Variants in RUSC2 observed in about 807,000 individuals in gnomAD.
The protein encoded by RUSC2 is RUN and SH3 domain containing 2.
RUSC2 carries 34 observed loss-of-function variants against 122.2 expected under a neutral mutation model. The ratio of observed to expected loss-of-function variants is 0.28; its 90% confidence interval spans 0.21 to 0.37. RUSC2 has a LOEUF of 0.37. Ranked by LOEUF, RUSC2 falls within the 10% of genes least tolerant of loss-of-function variation. The pLI is 1.00. For missense variants in RUSC2, 1,747 were observed against 1,952.4 expected (o/e 0.89, Z 1.98); for synonymous variants, 784 against 790.0 (o/e 0.99, Z 0.13).
chr9:35,508,262 G>A (rs530933791), intron 1 of RUSC2, among the ~76,000 whole-genome samples: 1 of 152,300 alleles, frequency 6.6e-6, no homozygotes, highest in African/African-American at 2.4e-5. Context: ...TGGCGCTCTG[G>A]ATTGCATACC....
intron 1 of RUSC2, among the ~76,000 whole-genome samples, chr9:35,506,020 C>T (rs1402773363): frequency 1.3e-5 from 2 of 152,044 alleles, no homozygotes; most frequent in Admixed American, 1.3e-4. Flanking sequence ...TAAAAGGTAT[C>T]CAGATTGGAA....
rs188737758 is a variant in RUSC2, at chr9:35,556,323, C to T, written c.2858C>T (p.Pro953Leu). The T allele has an allele frequency of 6.8e-6, 11 of 1,614,144 alleles. No individual in the cohort carries two copies. The highest frequency in any genetic ancestry group is 4.5e-5 in the East Asian group (2 of 44,886). ...NCRLNGQAVKPLPLTCPDFQD... is the reference protein window; with the variant it reads ...NCRLNGQAVKLLPLTCPDFQD... ...TTCTTTCCAGGCCAAGCAGTGAAGC[C>T]GTTACCACTGACCTGCCCTGACTTC... The change falls in exon 5 of 12, where the codon CCG (proline) becomes CTG (leucine). Residue 953 changes from proline to leucine, a missense_variant. Transcript: ENST00000361226.
chr9:35,561,138 C>G (rs1392504835), intron 11 of RUSC2, 41 bp downstream of exon 11: 4 of 1,613,202 alleles, frequency 2.5e-6, no homozygotes, highest in Admixed American at 1.7e-5. Flanking sequence ...GGGCGGGGGG[C>G]TTTTGAGGGG....
chr9:35,561,266 C>G lies in RUSC2; in HGVS notation c.4435C>G (p.Arg1479Gly). The change falls in exon 12 of 12, where the codon CGA becomes GGA. Residue 1479 changes from arginine (R) to glycine (G), a missense_variant. Arg to Gly is a moderately radical substitution (Grantham distance 125). Transcript: ENST00000361226. Reference sequence around the variant, plus strand: ...AGGAGACATCCTACGAGTGCTGGGGCGAGCTGGAGGAGACTGGCTGCGCTG... The same window carrying G: ...AGGAGACATCCTACGAGTGCTGGGGGGAGCTGGAGGAGACTGGCTGCGCTG... ...HKGDILRVLG[R>G]AGGDWLRCSR... is the part of the protein sequence containing the mutation. The G allele has an allele frequency of 6.2e-7, 1 of 1,614,170 alleles. No homozygotes were observed. Among genetic ancestry groups the G allele is most frequent in the Non-Finnish European group, 8.5e-7 (1 of 1,180,016 alleles).
At chr9:35,511,311 C>T (rs1821006778) in intron 1 of RUSC2, among the ~76,000 whole-genome samples, 1 of 152,178 alleles carries the variant, frequency 6.6e-6, no homozygotes, top group Admixed American at 6.5e-5. Context: ...GTCATTCTGT[C>T]TGGAACCTGC....
intron 1 of RUSC2, among the ~76,000 whole-genome samples, chr9:35,509,962 C>T (rs553572809): frequency 2.6e-4 from 39 of 152,318 alleles, no homozygotes; most frequent in Non-Finnish European, 4.6e-4. Flanking sequence ...CCTACCTTTT[C>T]TTAGCTCTTT....
At chr9:35,549,374 T>C (rs1481880561) in intron 2 of RUSC2, among the ~76,000 whole-genome samples, 1 of 152,196 alleles carries the variant, frequency 6.6e-6, no homozygotes, top group African/African-American at 2.4e-5. Flanking sequence ...GCCAGCTCTT[T>C]CCCTATTTAT....
Position 35,561,069 on chromosome 9 carries a change from TC to T in RUSC2, c.4325del (p.Pro1442GlnfsTer25). On this transcript the variant is annotated frameshift_variant, in exon 11 of 12. Coordinates refer to ENST00000361226, the MANE Select transcript of RUSC2 (RefSeq NM_014806.5). LOFTEE classifies it high-confidence loss of function. ...CAAGGAGAGCCTGCAGGAGCCACAC[TC>T]CCCAGCCCTGCCCTCCAGTCCTCCG... ...EPKESLQEPH[S>X]PALPSSPPCE... 1 of 1,614,018 alleles carries T rather than the reference TC, an allele frequency of 6.2e-7. No individual in the cohort carries two copies. The highest frequency in any genetic ancestry group is 1.3e-5 in the African/African-American group (1 of 75,048).
In RUSC2 at chr9:35,555,849, C is replaced by A; in HGVS notation, c.2657-103C>A. The A allele has an allele frequency of 6.8e-7, 1 of 1,480,926 alleles. No individual in the cohort carries two copies. The highest frequency in any genetic ancestry group is 9.1e-7 in the Non-Finnish European group (1 of 1,093,066). 91.7% of individuals were successfully genotyped at this position (1,480,926 alleles called of 1,614,324 possible). On this transcript the variant is annotated intron_variant, in intron 3 of 11. Transcript: ENST00000361226. This position sits in a 1 kb window ranked among gnomAD's most constrained non-coding sequence, Gnocchi z 4.6. ...CCTCAGCATCTGTAGATAATATCCA[C>A]AGATAATCTAGTGTTTCATATGGGC...
intron 1 of RUSC2, among the ~76,000 whole-genome samples, chr9:35,534,469 C>T (rs1157132703): frequency 1.3e-5 from 2 of 149,200 alleles, no homozygotes; most frequent in South Asian, 2.1e-4. Flanking sequence ...ATCCTTTGCT[C>T]GTTTTTATTT....
chr9:35,503,912 T>C (rs1820864675), intron 1 of RUSC2, among the ~76,000 whole-genome samples: 1 of 152,000 alleles, frequency 6.6e-6, no homozygotes, highest in African/African-American at 2.4e-5. Context: ...GTAGCTGGGA[T>C]TATAGGTGCA....
At chr9:35,553,092 G>A (rs1394663946) in intron 2 of RUSC2, among the ~76,000 whole-genome samples, 1 of 152,234 alleles carries the variant, frequency 6.6e-6, no homozygotes, top group Non-Finnish European at 1.5e-5. Context: ...ACACATTCCT[G>A]ATGGGAAAAG....
chr9:35,557,965 G>C lies in RUSC2; in HGVS notation c.3035G>C (p.Gly1012Ala). ...GTGGACCTCATTGTGGCTCATTTTG[G>C]CACAAGCCGGGATCCCGGGGTGAAG... ...IAVDLIVAHF[G>A]TSRDPGVKAK... The change falls in exon 6 of 12, where the codon GGC becomes GCC. Residue 1012 changes from glycine (G) to alanine (A), a missense_variant. By Grantham distance (60) the Gly-to-Ala change is moderately conservative. Transcript: ENST00000361226. This position sits in a 1 kb window ranked among gnomAD's most constrained non-coding sequence, Gnocchi z 4.6. The C allele has an allele frequency of 3.1e-6, 5 of 1,614,194 alleles. No homozygotes were observed. Among genetic ancestry groups the C allele is most frequent in the Non-Finnish European group, 4.2e-6 (5 of 1,180,024 alleles).
In RUSC2 at chr9:35,560,625, C is replaced by T; in HGVS notation, c.3985C>T (p.Pro1329Ser). 1 of 1,607,920 alleles carries T rather than the reference C, an allele frequency of 6.2e-7. No individual in the cohort carries two copies. Among genetic ancestry groups the T allele is most frequent in the Non-Finnish European group, 8.5e-7 (1 of 1,177,164 alleles). Residue 1329 changes from proline to serine, a missense_variant, in exon 10 of 12, where the codon CCT (proline) becomes TCT (serine). Pro to Ser is a moderately conservative substitution (Grantham distance 74). Transcript: ENST00000361226. ...AGTAGTGGAGGGGGCTGAGGCCTGC[C>T]CTGCCTCTGAGGAGGCCCTGGGCCG... ...EGVVEGAEAC[P>S]ASEEALGRER...
At chr9:35,519,062 C>T (rs376969589) in intron 1 of RUSC2, among the ~76,000 whole-genome samples, 47 of 152,170 alleles carry the variant, frequency 3.1e-4, no homozygotes, top group African/African-American at 1.1e-3. Flanking sequence ...GACAGCTGGA[C>T]ATATGAAAGC....
At position 35,518,453 on chromosome 9, in the gene RUSC2, C is replaced by T. The variant is rs552156144; in HGVS notation, c.-92-27977C>T. ...TTTACATCAGCTTTCCAGCTGTCAGCCTCCTCATGCTCCTGTCTGCCTGAT... is the reference window on the plus strand; with the variant it reads ...TTTACATCAGCTTTCCAGCTGTCAGTCTCCTCATGCTCCTGTCTGCCTGAT... On this transcript the variant is annotated intron_variant, in intron 1 of 11. Coordinates refer to ENST00000361226, the MANE Select transcript of RUSC2 (RefSeq NM_014806.5). 4.6e-5 allele frequency among the ~76,000 whole-genome samples: 7 copies of T among 152,342 alleles called. No individual in the cohort carries two copies. In the South Asian group the frequency reaches 1.4e-3, roughly 32 times the overall value.
intron 1 of RUSC2, among the ~76,000 whole-genome samples, chr9:35,525,228 T>A (rs1821302526): frequency 6.6e-6 from 1 of 152,208 alleles, no homozygotes; most frequent in African/African-American, 2.4e-5. Flanking sequence ...GCTGTTGGTA[T>A]TATCCTGAAA....
chr9:35,512,189 GA>G (rs5897604), intron 1 of RUSC2, among the ~76,000 whole-genome samples: 53,659 of 148,452 alleles, frequency 0.36, 9,958 homozygotes, highest in South Asian at 0.41. Context: ...CTCAAAAAAA[GA>G]AAAAAAAAAT....
chr9:35,525,058 A>C (rs1428095780), intron 1 of RUSC2, among the ~76,000 whole-genome samples: 1 of 152,150 alleles, frequency 6.6e-6, no homozygotes, highest in East Asian at 1.9e-4. Context: ...GAGAGTGGAA[A>C]GATATATCAA....
Sources: gnomAD v4.1 joint callset for allele counts (sites outside exome capture counted in the v4.1 genomes callset) on GRCh38, gnomAD v4.1.1 for gene constraint, Gnocchi (gnomAD v3.1) non-coding constraint, MANE v1.5 for transcripts, NCBI Gene and HGNC (gene_info 2026-07-23, HGNC 2026-07-21) for gene names.